The following ATXN7L1 variants were observed in gnomAD, a reference collection of about 807,000 sequenced individuals.
ATXN7L1 encodes the protein ataxin 7 like 1.
ATXN7L1 carries 15 observed loss-of-function variants against 70.8 expected under a neutral mutation model. The ratio of observed to expected loss-of-function variants is 0.21; its 90% CI spans 0.14 to 0.33. ATXN7L1 has a LOEUF of 0.33. Ranked by LOEUF, ATXN7L1 falls within the 10% of genes least tolerant of loss-of-function variation. The probability of loss-of-function intolerance (pLI) is 1.00; values close to 1 mark genes in which losing one functional copy is unlikely to be tolerated. For synonymous variants in ATXN7L1, 440 were observed against 445.1 expected, an observed-to-expected ratio of 0.99 and a Z score of 0.14; for missense variants, 975 against 1,097.1, an observed-to-expected ratio of 0.89 and a Z score of 1.57.
chr7:105,792,671 T>A (rs1393579782), intron 2 of ATXN7L1, among the ~76,000 whole-genome samples: 1 of 152,238 alleles, frequency 6.6e-6, no homozygotes, highest in Admixed American at 6.5e-5. Flanking sequence ...CAATCATACA[T>A]GTCGTTTTCC....
intron 7 of ATXN7L1, among the ~76,000 whole-genome samples, chr7:105,626,458 A>G (rs1795708519): frequency 1.3e-5 from 2 of 152,248 alleles, no homozygotes; most frequent in African/African-American, 4.8e-5. Flanking sequence ...CCACTAAACT[A>G]GACACTTAAA....
intron 6 of ATXN7L1, among the ~76,000 whole-genome samples, chr7:105,639,114 T>C (rs2115902263): frequency 6.6e-6 from 1 of 152,142 alleles, no homozygotes; most frequent in African/African-American, 2.4e-5. Flanking sequence ...CGGCATATCA[T>C]CCTCCCCTCC....
At chr7:105,696,821 A>T (rs548585590) in intron 3 of ATXN7L1, among the ~76,000 whole-genome samples, 8 of 152,328 alleles carry the variant, frequency 5.3e-5, no homozygotes, top group African/African-American at 1.9e-4. Flanking sequence ...TGCCCCGAAA[A>T]TCACGTAGGT....
intron 3 of ATXN7L1, among the ~76,000 whole-genome samples, chr7:105,671,881 C>A (rs2116108783): frequency 9.9e-6 from 1 of 101,054 alleles, no homozygotes; most frequent in East Asian, 2.8e-4. Context: ...CAGAGTGAGA[C>A]CCTGTCTCAA....
intron 3 of ATXN7L1, among the ~76,000 whole-genome samples, chr7:105,667,388 G>T (rs1194689673): frequency 2.0e-5 from 3 of 152,198 alleles, no homozygotes; most frequent in Admixed American, 6.5e-5. Context: ...ATCACTAAAG[G>T]TTAGAACTGT....
rs1554431696 is a variant in ATXN7L1, at chr7:105,692,424, T to TCCCTCCCTCCTTCCTTCCTTCCTC, written c.356-27137_356-27136insGAGGAAGGAAGGAAGGAGGGAGGG. On this transcript the variant is annotated intron_variant, in intron 3 of 11. Coordinates refer to ENST00000419735, the MANE Select transcript of ATXN7L1 (RefSeq NM_020725.2). The stretch of plus-strand genomic sequence containing the variant: ...TTCCTTCCTTCCTTCCTTCCTTCCT[T>TCCCTCCCTCCTTCCTTCCTTCCTC]CCTCCCTCCCTCCCTCCCTCCCTTC... 2.2e-3 allele frequency among the ~76,000 whole-genome samples: 190 copies of TCCCTCCCTCCTTCCTTCCTTCCTC among 88,166 alleles called. 2 individuals are homozygous for TCCCTCCCTCCTTCCTTCCTTCCTC. The highest frequency in any genetic ancestry group is 4.4e-3 in the African/African-American group (99 of 22,632). 57.8% of individuals were successfully genotyped at this position (88,166 alleles called of 152,430 possible). A position where few individuals can be genotyped will look rare whatever the true frequency, so the allele number is the denominator to read the frequency against.
chr7:105,669,507 T>C (rs1048918608), intron 3 of ATXN7L1, among the ~76,000 whole-genome samples: 1 of 152,216 alleles, frequency 6.6e-6, no homozygotes. Flanking sequence ...TTTTGTATTG[T>C]AATAAATAGG....
chr7:105,757,375 A>G (rs1435960888), intron 3 of ATXN7L1, among the ~76,000 whole-genome samples: 3 of 152,152 alleles, frequency 2.0e-5, no homozygotes, highest in Non-Finnish European at 2.9e-5. Flanking sequence ...TGCTTGCAAG[A>G]TTAGGTTCTT....
chr7:105,819,474 C>G lies in ATXN7L1; in HGVS notation c.251-30766G>C, dbSNP rs74919770. The G allele has an allele frequency of 0.011, 8,320 of 761,204 alleles. 449 individuals are homozygous for G. In the African/African-American group the frequency reaches 0.12, roughly 11 times the overall value. The allele number at this position is 761,204 out of a possible 1,614,324, so 47.2% of individuals were successfully genotyped here. On this transcript the variant is annotated intron_variant, in intron 2 of 11. Coordinates refer to ENST00000419735, the MANE Select transcript of ATXN7L1 (RefSeq NM_020725.2). ...AAAAAAAAAAAAAAGAGTGTCCTTTCCCAGGGGGCTGCTGAAGATGGCGGA... is the reference window on the plus strand; with the variant it reads ...AAAAAAAAAAAAAAGAGTGTCCTTTGCCAGGGGGCTGCTGAAGATGGCGGA...
intron 2 of ATXN7L1, among the ~76,000 whole-genome samples, chr7:105,832,328 A>C (rs1211554746): frequency 6.6e-6 from 1 of 152,214 alleles, no homozygotes; most frequent in East Asian, 1.9e-4. Flanking sequence ...CTCTGAAACC[A>C]AGTTTTACCT....
chr7:105,844,907 A>G (rs1242470655), intron 2 of ATXN7L1, among the ~76,000 whole-genome samples: 1 of 152,170 alleles, frequency 6.6e-6, no homozygotes, highest in Non-Finnish European at 1.5e-5. Context: ...AAGAACATAC[A>G]TAAGAATCAG....
intron 3 of ATXN7L1, among the ~76,000 whole-genome samples, chr7:105,687,938 C>T (rs931735328): frequency 6.6e-6 from 1 of 152,194 alleles, no homozygotes; most frequent in African/African-American, 2.4e-5. Context: ...AGAAAAGAGC[C>T]ATTCTATATT....
intron 3 of ATXN7L1, chr7:105,788,267 A>G: frequency 4.2e-6 from 1 of 236,604 alleles, no homozygotes. Context: ...GGGGGAGAAA[A>G]TGTCTGGCTG....
intron 7 of ATXN7L1, among the ~76,000 whole-genome samples, chr7:105,625,501 T>A (rs924560508): frequency 6.6e-6 from 1 of 152,218 alleles, no homozygotes; most frequent in Non-Finnish European, 1.5e-5. Flanking sequence ...TCTGCCCACC[T>A]CAGCCTCCCA....
intron 2 of ATXN7L1, among the ~76,000 whole-genome samples, chr7:105,824,294 G>A (rs143106085): frequency 6.6e-6 from 1 of 152,106 alleles, no homozygotes; most frequent in African/African-American, 2.4e-5. Flanking sequence ...CCTCCAAGCC[G>A]CTTGTAGTGC....
At chr7:105,628,467 G>T (rs1369317560) in intron 7 of ATXN7L1, among the ~76,000 whole-genome samples, 2 of 151,988 alleles carry the variant, frequency 1.3e-5, no homozygotes, top group Non-Finnish European at 2.9e-5. Flanking sequence ...TTTTACTGAG[G>T]TATAACATCT....
intron 3 of ATXN7L1, among the ~76,000 whole-genome samples, chr7:105,764,932 T>C (rs1374995648): frequency 6.6e-6 from 1 of 152,170 alleles, no homozygotes; most frequent in African/African-American, 2.4e-5. Flanking sequence ...CCACCATGAA[T>C]GAAATGCAGG....
chr7:105,811,341 A>G (rs921720822), intron 2 of ATXN7L1, among the ~76,000 whole-genome samples: 1 of 152,222 alleles, frequency 6.6e-6, no homozygotes, highest in Non-Finnish European at 1.5e-5. Flanking sequence ...AGCATGCAAC[A>G]GATTCTGCCC....
intron 2 of ATXN7L1, among the ~76,000 whole-genome samples, chr7:105,827,234 C>G (rs948719802): frequency 6.6e-5 from 10 of 152,172 alleles, no homozygotes; most frequent in African/African-American, 1.9e-4. Context: ...GAGCCTCTTT[C>G]CAAAACAAAC....
Sources: gnomAD v4.1 joint callset for allele counts (sites outside exome capture counted in the v4.1 genomes callset) on GRCh38, gnomAD v4.1.1 for gene constraint, MANE v1.5 for transcripts, NCBI Gene and HGNC (gene_info 2026-07-23, HGNC 2026-07-21) for gene names.